RGS7BP: variants seen among roughly 807,000 people sequenced by gnomAD.
RGS7BP encodes the protein regulator of G protein signaling 7 binding protein.
RGS7BP carries 9 observed loss-of-function variants against 31.3 expected under a neutral mutation model. The ratio of observed to expected loss-of-function variants is 0.29; its 90% CI spans 0.17 to 0.50. RGS7BP has a LOEUF of 0.50. RGS7BP is among the 20% of genes least tolerant of loss of function. RGS7BP has a pLI of 0.98. For missense variants in RGS7BP, 274 were observed against 322.0 expected (o/e 0.85, Z 1.14); for synonymous variants, 115 against 120.1 (o/e 0.96, Z 0.28).
At chr5:64,541,148 C>T (rs1741518151) in intron 2 of RGS7BP, among the ~76,000 whole-genome samples, 1 of 152,108 alleles carries the variant, frequency 6.6e-6, no homozygotes, top group Admixed American at 6.5e-5. Context: ...CCCCAGGAAG[C>T]TTACAATCAT....
At chr5:64,573,789 T>A (rs911642352) in intron 2 of RGS7BP, 4 of 152,160 alleles carry the variant, frequency 2.6e-5, no homozygotes, top group African/African-American at 7.2e-5. Flanking sequence ...AACAGAGTAT[T>A]CTGAATGTTC....
intron 2 of RGS7BP, among the ~76,000 whole-genome samples, chr5:64,560,159 T>G (rs185030086): frequency 1.3e-5 from 2 of 152,320 alleles, no homozygotes; most frequent in South Asian, 2.1e-4. Context: ...TTTAACCTTA[T>G]GGTACTTTCT....
chr5:64,538,802 C>T (rs1156822565), intron 2 of RGS7BP, among the ~76,000 whole-genome samples: 1 of 152,128 alleles, frequency 6.6e-6, no homozygotes, highest in Middle Eastern at 3.4e-3. Flanking sequence ...GTGATCCACC[C>T]ACCTTTGTTG....
At chr5:64,542,414 G>T (rs1044982566) in intron 2 of RGS7BP, among the ~76,000 whole-genome samples, 2 of 152,146 alleles carry the variant, frequency 1.3e-5, no homozygotes, top group Non-Finnish European at 2.9e-5. Context: ...TATTCCTTCA[G>T]TTAGATTAAA....
intron 2 of RGS7BP, among the ~76,000 whole-genome samples, chr5:64,563,728 T>A (rs1405067095): frequency 6.6e-6 from 1 of 152,174 alleles, no homozygotes; most frequent in Non-Finnish European, 1.5e-5. Flanking sequence ...TGGTAATTTG[T>A]CATGGCAGCC....
intron 2 of RGS7BP, among the ~76,000 whole-genome samples, chr5:64,575,143 A>G (rs1347438407): frequency 6.6e-6 from 1 of 152,192 alleles, no homozygotes; most frequent in Non-Finnish European, 1.5e-5. Flanking sequence ...ATTTTAGAGC[A>G]TAAGTTCAGT....
chr5:64,585,866 C>T (rs1742734438), intron 3 of RGS7BP, among the ~76,000 whole-genome samples: 1 of 152,156 alleles, frequency 6.6e-6, no homozygotes, highest in Non-Finnish European at 1.5e-5. Context: ...TAGTTCTAAA[C>T]AGTGATGCAA....
intron 2 of RGS7BP, among the ~76,000 whole-genome samples, chr5:64,530,930 A>G (rs934864511): frequency 6.6e-6 from 1 of 152,224 alleles, no homozygotes; most frequent in African/African-American, 2.4e-5. Flanking sequence ...TGCACAGTCT[A>G]CATAGCTGAG....
At chr5:64,562,194 C>T (rs1742071372) in intron 2 of RGS7BP, among the ~76,000 whole-genome samples, 1 of 152,022 alleles carries the variant, frequency 6.6e-6, no homozygotes, top group African/African-American at 2.4e-5. Context: ...AAATGTAATG[C>T]TTTTCTTTTT....
chr5:64,595,327 AT>A (rs1743036298), intron 4 of RGS7BP, among the ~76,000 whole-genome samples: 1 of 152,124 alleles, frequency 6.6e-6, no homozygotes, highest in African/African-American at 2.4e-5. Context: ...CTTAGCTGCC[AT>A]TTAGGGGCTG....
intron 3 of RGS7BP, among the ~76,000 whole-genome samples, chr5:64,577,084 TA>T (rs34745275): frequency 0.85 from 128,647 of 152,080 alleles, 54,772 homozygotes; most frequent in African/African-American, 0.91. Context: ...AGGAAAGATT[TA>T]AAAATCAAAT....
At chr5:64,564,776 C>A (rs1393722814) in intron 2 of RGS7BP, among the ~76,000 whole-genome samples, 1 of 151,964 alleles carries the variant, frequency 6.6e-6, no homozygotes, top group Non-Finnish European at 1.5e-5. Flanking sequence ...ACAGCAGAAG[C>A]CACGCTGATA....
intron 2 of RGS7BP, among the ~76,000 whole-genome samples, chr5:64,519,146 G>A (rs1225067637): frequency 1.3e-5 from 2 of 152,188 alleles, no homozygotes; most frequent in East Asian, 1.9e-4. Context: ...TGGGGAGACC[G>A]GAAGAGTATG....
At chr5:64,553,171 C>CTTTTTTTTTTTT (rs542252038) in intron 2 of RGS7BP, among the ~76,000 whole-genome samples, 5 of 118,234 alleles carry the variant, frequency 4.2e-5, no homozygotes, top group African/African-American at 9.6e-5. Context: ...TTCTTTCTTT[C>CTTTTTTTTTTTT]TTTTTTTTTT....
chr5:64,599,297 G>A (rs1428586246), intron 5 of RGS7BP, among the ~76,000 whole-genome samples: 1 of 152,232 alleles, frequency 6.6e-6, no homozygotes, highest in African/African-American at 2.4e-5. Context: ...GGTACATAGA[G>A]GTGGAGAAAG....
intron 2 of RGS7BP, among the ~76,000 whole-genome samples, chr5:64,569,312 G>A (rs543251337): frequency 2.6e-5 from 4 of 151,984 alleles, no homozygotes; most frequent in African/African-American, 4.8e-5. Flanking sequence ...AACAACACAC[G>A]TTTCCACCTA....
At chr5:64,536,742 C>T (rs1262380466) in intron 2 of RGS7BP, among the ~76,000 whole-genome samples, 1 of 152,180 alleles carries the variant, frequency 6.6e-6, no homozygotes, top group Non-Finnish European at 1.5e-5. Flanking sequence ...ACTTCTGACC[C>T]ACCCATTCAG....
chr5:64,551,612 A>G (rs1363203521), intron 2 of RGS7BP, among the ~76,000 whole-genome samples: 2 of 150,404 alleles, frequency 1.3e-5, no homozygotes, highest in Admixed American at 6.6e-5. Flanking sequence ...TCAAGTATTT[A>G]GAAAAAATAT....
At chr5:64,515,794 A>G (rs1048833442) in intron 2 of RGS7BP, among the ~76,000 whole-genome samples, 2 of 151,652 alleles carry the variant, frequency 1.3e-5, no homozygotes, top group African/African-American at 4.8e-5. Context: ...AGGATAAAGT[A>G]TCTGAGCCTT....
Sources: allele counts gnomAD v4.1 joint callset (sites outside exome capture counted in the v4.1 genomes callset), GRCh38; gene constraint gnomAD v4.1.1; transcripts MANE v1.5; gene names NCBI Gene and HGNC (gene_info 2026-07-23, HGNC 2026-07-21).